EPHB2: variants seen among roughly 807,000 people sequenced by gnomAD.
The protein encoded by EPHB2 is EPH receptor B2.
A neutral mutation model predicts 96.4 loss-of-function variants in EPHB2; 18 were observed. The observed-to-expected ratio is 0.19, with a 90% confidence interval of 0.13 to 0.28. EPHB2 has a LOEUF of 0.28. EPHB2 is among the 10% of genes least tolerant of loss of function. The probability of loss-of-function intolerance (pLI) is 1.00; values close to 1 mark genes in which losing one functional copy is unlikely to be tolerated. For synonymous variants in EPHB2, 506 were observed against 534.1 expected (o/e 0.95, Z 0.72); for missense variants, 989 against 1,355.4 (o/e 0.73, Z 4.25).
intron 3 of EPHB2, among the ~76,000 whole-genome samples, chr1:22,822,502 G>T (rs1214070323): frequency 6.6e-6 from 1 of 152,250 alleles, no homozygotes; most frequent in Non-Finnish European, 1.5e-5. Context: ...CTAACTGGCA[G>T]AGGTGTGATT....
At chr1:22,910,728 T>C (rs1640071393) in intron 14 of EPHB2, among the ~76,000 whole-genome samples, 153 bp downstream of exon 14, 1 of 152,142 alleles carries the variant, frequency 6.6e-6, no homozygotes, top group Non-Finnish European at 1.5e-5. Flanking sequence ...TGCCCTGCCT[T>C]AGGGGTGCAG....
intron 3 of EPHB2, among the ~76,000 whole-genome samples, chr1:22,820,217 G>A (rs549700776): frequency 2.0e-5 from 3 of 151,978 alleles, no homozygotes; most frequent in Admixed American, 6.6e-5. Context: ...TTGAAGCCTC[G>A]GTGTTCCCAT....
At position 22,733,306 on chromosome 1, in the gene EPHB2, T is replaced by A. The variant is rs7529044; in HGVS notation, c.61+22263T>A. Among the ~76,000 whole-genome samples the A allele has an allele frequency of 0.014, 2,157 of 152,124 alleles. 61 individuals carry two copies. The highest frequency in any genetic ancestry group is 0.049 in the African/African-American group (2,025 of 41,486). On this transcript the variant is annotated intron_variant, in intron 1 of 15. Coordinates refer to ENST00000374630, the MANE Select transcript of EPHB2 (RefSeq NM_017449.5). The surrounding 1 kb of genome is among the most constrained non-coding windows in gnomAD (Gnocchi z 4.6). The stretch of plus-strand genomic sequence containing the variant: ...TCAGGTGATTTGCCCACCTCAGCCT[T>A]CCAAAGTGCTGGGATTGCAGGCGTG...
At chr1:22,765,583 G>A (rs1480062775) in intron 1 of EPHB2, among the ~76,000 whole-genome samples, 1 of 150,354 alleles carries the variant, frequency 6.7e-6, no homozygotes, top group East Asian at 2.0e-4. Context: ...CATCCCGTGA[G>A]CACCGGCATT....
chr1:22,913,369 A>G lies in EPHB2; in HGVS notation c.2853-93A>G. 5 of 1,523,314 alleles carry G rather than the reference A, an allele frequency of 3.3e-6. No individual in the cohort carries two copies. Among genetic ancestry groups the G allele is most frequent in the Non-Finnish European group, 4.5e-6 (5 of 1,119,312 alleles). The allele number at this position is 1,523,314 out of a possible 1,614,324, so 94.4% of individuals were successfully genotyped here. A position where few individuals can be genotyped will look rare whatever the true frequency, so the allele number is the denominator to read the frequency against. ...ACTCCCCAGTACTCCTTGCTTTGCC[A>G]TCTTCCTCCCGGGGAAGCCCAGGCA... On this transcript the variant is annotated intron_variant, in intron 15 of 15. Transcript: ENST00000374630. The surrounding 1 kb of genome is among the most constrained non-coding windows in gnomAD (Gnocchi z 4.1).
At chr1:22,714,951 G>A (rs972310007) in intron 1 of EPHB2, among the ~76,000 whole-genome samples, 3 of 151,992 alleles carry the variant, frequency 2.0e-5, no homozygotes, top group Non-Finnish European at 2.9e-5. Flanking sequence ...GAAACCCATC[G>A]CCACCTGAAG....
Position 22,784,334 on chromosome 1 carries a change from TGAGTGTG to T in EPHB2, c.127-57_127-51del. On this transcript the variant is annotated intron_variant, in intron 2 of 15. Transcript: ENST00000374630. The surrounding 1 kb of genome is among the most constrained non-coding windows in gnomAD (Gnocchi z 5.1). ...AGAGTCTGTGTCTTCCACCTTAGAC[TGAGTGTG>T]TGCTGGGGCTGAGCCCTTACCTCCC... 2 of 1,550,556 alleles carry T rather than the reference TGAGTGTG, an allele frequency of 1.3e-6. No homozygotes were observed. The highest frequency in any genetic ancestry group is 1.8e-6 in the Non-Finnish European group (2 of 1,125,152).
chr1:22,775,577 G>A (rs1249149710), intron 1 of EPHB2, among the ~76,000 whole-genome samples: 3 of 152,258 alleles, frequency 2.0e-5, no homozygotes, highest in Non-Finnish European at 4.4e-5. Flanking sequence ...TCAGCCCAAC[G>A]CTAACGACTT....
intron 3 of EPHB2, among the ~76,000 whole-genome samples, chr1:22,795,367 G>T (rs1049917898): frequency 6.6e-6 from 1 of 152,168 alleles, no homozygotes; most frequent in African/African-American, 2.4e-5. Flanking sequence ...GGCTCGCCCA[G>T]GCTCACTCAC....
chr1:22,887,867 T>TG (rs1200146579), intron 6 of EPHB2, among the ~76,000 whole-genome samples: 3 of 152,174 alleles, frequency 2.0e-5, no homozygotes, highest in Admixed American at 1.3e-4. Flanking sequence ...GGTTGGAGGA[T>TG]GGGGGGTGAA....
At chr1:22,833,163 G>A (rs1364705618) in intron 3 of EPHB2, among the ~76,000 whole-genome samples, 1 of 151,940 alleles carries the variant, frequency 6.6e-6, no homozygotes, top group African/African-American at 2.4e-5. Context: ...TTTTGCCCAG[G>A]CTGGAGTTCA....
chr1:22,767,563 T>C (rs1181017161), intron 1 of EPHB2, among the ~76,000 whole-genome samples: 1 of 152,174 alleles, frequency 6.6e-6, no homozygotes, highest in Non-Finnish European at 1.5e-5. Flanking sequence ...ATGCTGGGTG[T>C]CCGTTGCATG....
intron 3 of EPHB2, among the ~76,000 whole-genome samples, chr1:22,795,339 A>G (rs1268926815): frequency 1.3e-5 from 2 of 152,208 alleles, no homozygotes; most frequent in Non-Finnish European, 2.9e-5. Context: ...CAGGGCTCCA[A>G]GGCAGGGAGT....
chr1:22,868,274 C>A (rs990503802), intron 5 of EPHB2, among the ~76,000 whole-genome samples: 1 of 152,004 alleles, frequency 6.6e-6, no homozygotes, highest in African/African-American at 2.4e-5. Flanking sequence ...CCCTCAGGAT[C>A]GAAAGACAGA....
In EPHB2 at chr1:22,863,123, GCCA is replaced by G. The variant is rs1433980455; in HGVS notation, c.902_904del (p.Thr301del). 1 of 1,614,090 alleles carries G rather than the reference GCCA, an allele frequency of 6.2e-7. No homozygotes were observed. The highest frequency in any genetic ancestry group is 1.3e-5 in the African/African-American group (1 of 74,910). ...CAACAGCCGGACCACTTCTGAAGGGGCCACCAACTGTGTCTGCCGCAATGGCTA... is the reference window on the plus strand; with the variant it reads ...CAACAGCCGGACCACTTCTGAAGGGGCCAACTGTGTCTGCCGCAATGGCTA... On this transcript the variant is annotated inframe_deletion, in exon 4 of 16. Transcript: ENST00000374630.
chr1:22,873,113 AC>A (rs1166800236), intron 5 of EPHB2, among the ~76,000 whole-genome samples: 1 of 152,286 alleles, frequency 6.6e-6, no homozygotes, highest in African/African-American at 2.4e-5. Flanking sequence ...TTAACAATCA[AC>A]CATTAACCAC....
chr1:22,786,781 A>G (rs1371854735), intron 3 of EPHB2, among the ~76,000 whole-genome samples: 1 of 152,220 alleles, frequency 6.6e-6, no homozygotes, highest in African/African-American at 2.4e-5. Context: ...CAGGATGGAA[A>G]GGGAGGAGAG....
intron 1 of EPHB2, among the ~76,000 whole-genome samples, chr1:22,764,467 C>T (rs551259936): frequency 2.2e-4 from 33 of 152,208 alleles, no homozygotes; most frequent in African/African-American, 6.7e-4. Context: ...ATGACTCTGC[C>T]GGGCTTGGTG....
At chr1:22,874,198 C>T (rs907784090) in intron 5 of EPHB2, among the ~76,000 whole-genome samples, 2 of 152,214 alleles carry the variant, frequency 1.3e-5, no homozygotes, top group Non-Finnish European at 2.9e-5. Flanking sequence ...CCTCTGACCC[C>T]TTAATCTGGG....
Sources: allele counts gnomAD v4.1 joint callset (sites outside exome capture counted in the v4.1 genomes callset), GRCh38; gene constraint gnomAD v4.1.1; non-coding constraint Gnocchi (gnomAD v3.1); transcripts MANE v1.5; gene names NCBI Gene and HGNC (gene_info 2026-07-23, HGNC 2026-07-21).